VEPH1: variants seen among roughly 807,000 people sequenced by gnomAD.
VEPH1 encodes ventricular zone expressed PH domain containing 1, also known as ventricular zone-expressed PH domain-containing protein homolog 1.
VEPH1 carries 80 observed loss-of-function variants against 85.2 expected under a neutral mutation model. That is an observed-to-expected ratio of 0.94 (90% confidence interval 0.78 to 1.13). The LOEUF is 1.13. Ranked by LOEUF, VEPH1 falls within the 50% of genes most tolerant of loss-of-function variation. The pLI, the probability that VEPH1 is intolerant of heterozygous loss-of-function variation, is 0.00. For synonymous variants in VEPH1, 297 were observed against 348.0 expected (o/e 0.85, Z 1.63); for missense variants, 955 against 980.5 (o/e 0.97, Z 0.35).
In VEPH1 at chr3:157,414,104, G is replaced by A; in HGVS notation, c.697-14C>T. 1 of 1,552,418 alleles carries A rather than the reference G, an allele frequency of 6.4e-7. No homozygotes were observed. Among genetic ancestry groups the A allele is most frequent in the Admixed American group, 1.7e-5 (1 of 57,866 alleles). On this transcript the variant is annotated splice_polypyrimidine_tract_variant and intron_variant, in intron 5 of 13. Transcript: ENST00000362010. The stretch of plus-strand genomic sequence containing the variant: ...CTTCTGAACTACCTATAAAGAGAGA[G>A]GAGAGGAGGAGGGAAGAAAGAAGGA...
intron 9 of VEPH1, among the ~76,000 whole-genome samples, chr3:157,336,927 G>A (rs939180453): frequency 1.3e-5 from 2 of 152,034 alleles, no homozygotes; most frequent in Non-Finnish European, 2.9e-5. Context: ...TTTACTACTT[G>A]GACTTTTATA....
At position 157,503,358 on chromosome 3, in the gene VEPH1, C is replaced by A. The variant is rs897000010; in HGVS notation, c.-239G>T. ...AGAGCACTGCAGCTGGGACCCATGA[C>A]CATGCTCAGAGGCAGCCTTGCAGCT... On this transcript the variant is annotated 5_prime_UTR_variant, in exon 1 of 14. Transcript: ENST00000362010. 1.3e-5 allele frequency: 2 copies of A among 152,334 alleles called. No homozygotes were observed. Among genetic ancestry groups the A allele is most frequent in the South Asian group, 4.1e-4 (2 of 4,826 alleles). The allele number at this position is 152,334 out of a possible 1,614,324, so 9.4% of individuals were successfully genotyped here. A position where few individuals can be genotyped will look rare whatever the true frequency, so the allele number is the denominator to read the frequency against.
intron 12 of VEPH1, among the ~76,000 whole-genome samples, chr3:157,266,457 T>G (rs1370489657): frequency 6.6e-6 from 1 of 152,162 alleles, no homozygotes; most frequent in Non-Finnish European, 1.5e-5. Flanking sequence ...ATGTTTCTTA[T>G]ATATCAGGGA....
At chr3:157,357,326 C>T (rs1577429951) in intron 9 of VEPH1, among the ~76,000 whole-genome samples, 1 of 152,176 alleles carries the variant, frequency 6.6e-6, no homozygotes, top group East Asian at 1.9e-4. Flanking sequence ...CAGATAACTG[C>T]TCCTGGATCT....
chr3:157,321,029 T>C (rs575962830), intron 9 of VEPH1, among the ~76,000 whole-genome samples: 1 of 152,228 alleles, frequency 6.6e-6, no homozygotes, highest in South Asian at 2.1e-4. Flanking sequence ...TATATATATA[T>C]ATTTTTTGGT....
chr3:157,488,504 TTTC>T (rs1241665187), intron 2 of VEPH1, among the ~76,000 whole-genome samples: 2 of 84,572 alleles, frequency 2.4e-5, no homozygotes, highest in African/African-American at 4.2e-5. Flanking sequence ...TCTTTCTTTC[TTTC>T]TTTTTTTTTT....
At chr3:157,275,225 C>T (rs972913281) in intron 12 of VEPH1, among the ~76,000 whole-genome samples, 2 of 152,114 alleles carry the variant, frequency 1.3e-5, no homozygotes, top group African/African-American at 4.8e-5. Flanking sequence ...TCTAGATACT[C>T]TTTTCTGATT....
intron 4 of VEPH1, among the ~76,000 whole-genome samples, chr3:157,435,321 C>T (rs995012338): frequency 6.6e-6 from 1 of 152,136 alleles, no homozygotes; most frequent in Admixed American, 6.5e-5. Flanking sequence ...CTCATATGTT[C>T]AAATATCATT....
chr3:157,397,379 A>G (rs1431490059), intron 6 of VEPH1, among the ~76,000 whole-genome samples: 2 of 152,048 alleles, frequency 1.3e-5, no homozygotes, highest in African/African-American at 4.8e-5. Flanking sequence ...CTCCAGCTTT[A>G]TTCTTTTTGT....
In VEPH1 at chr3:157,437,697, G is replaced by A; in HGVS notation, c.530-9209C>T. 2.6e-6 allele frequency: 4 copies of A among 1,531,292 alleles called. No homozygotes were observed. The South Asian group carries it at 3.6e-5, about 14-fold the overall frequency. The allele number at this position is 1,531,292 out of a possible 1,614,324, so 94.9% of individuals were successfully genotyped here. On this transcript the variant is annotated intron_variant, in intron 4 of 13. Transcript: ENST00000362010. ...AAAGCCTGGCGAGGCCGTGCGCGCCGGGGGCTCCCGCAGAGGCCAGGCTGA... is the reference window on the plus strand; with the variant it reads ...AAAGCCTGGCGAGGCCGTGCGCGCCAGGGGCTCCCGCAGAGGCCAGGCTGA...
At position 157,364,300 on chromosome 3, in the gene VEPH1, T is replaced by C; in HGVS notation, c.1337+3A>G. On this transcript the variant is annotated splice_donor_region_variant and intron_variant, in intron 8 of 13. Coordinates refer to ENST00000362010, the MANE Select transcript of VEPH1 (RefSeq NM_001167912.2). ...TTTAAAAAACAAACCAAACGAGTTATACCTGTTAAATCTAATGTTTTTTCT... is the reference window on the plus strand; with the variant it reads ...TTTAAAAAACAAACCAAACGAGTTACACCTGTTAAATCTAATGTTTTTTCT... 1.2e-6 allele frequency: 2 copies of C among 1,601,904 alleles called. No individual in the cohort carries two copies. The highest frequency in any genetic ancestry group is 1.7e-6 in the Non-Finnish European group (2 of 1,171,858).
intron 4 of VEPH1, among the ~76,000 whole-genome samples, chr3:157,457,661 A>T (rs1004755613): frequency 5.9e-5 from 9 of 152,148 alleles, no homozygotes; most frequent in Admixed American, 5.9e-4. Flanking sequence ...TTATGTGATG[A>T]ATCACATTTA....
intron 6 of VEPH1, among the ~76,000 whole-genome samples, chr3:157,393,343 C>A (rs1396663305): frequency 6.6e-6 from 1 of 152,128 alleles, no homozygotes; most frequent in Admixed American, 6.5e-5. Context: ...TTACCAAATT[C>A]ATCTTAGCTG....
chr3:157,494,681 C>A (rs1417712401), intron 2 of VEPH1, among the ~76,000 whole-genome samples: 1 of 152,070 alleles, frequency 6.6e-6, no homozygotes, highest in Non-Finnish European at 1.5e-5. Context: ...AAAATAGAGA[C>A]AATACAGAAG....
chr3:157,315,052 A>G (rs1268651022), intron 10 of VEPH1, among the ~76,000 whole-genome samples: 11 of 152,114 alleles, frequency 7.2e-5, no homozygotes, highest in Non-Finnish European at 1.5e-5. Context: ...ACAATGTGAT[A>G]TAAAGGATCC....
At chr3:157,457,314 T>A (rs1298843690) in intron 4 of VEPH1, among the ~76,000 whole-genome samples, 1 of 152,242 alleles carries the variant, frequency 6.6e-6, no homozygotes, top group Non-Finnish European at 1.5e-5. Flanking sequence ...TATAGGATCA[T>A]GTCATCTACA....
intron 4 of VEPH1, among the ~76,000 whole-genome samples, chr3:157,441,062 C>A (rs1468359870): frequency 6.6e-6 from 1 of 152,174 alleles, no homozygotes; most frequent in African/African-American, 2.4e-5. Flanking sequence ...AATGGAAGGG[C>A]CTTTTTTAGA....
chr3:157,454,395 C>A (rs896627744), intron 4 of VEPH1, among the ~76,000 whole-genome samples: 2 of 152,110 alleles, frequency 1.3e-5, no homozygotes, highest in African/African-American at 4.8e-5. Flanking sequence ...ACTGGGGTGG[C>A]TGGTCAGCAG....
At chr3:157,427,029 C>T (rs1274685628) in intron 5 of VEPH1, among the ~76,000 whole-genome samples, 1 of 151,498 alleles carries the variant, frequency 6.6e-6, no homozygotes, top group Non-Finnish European at 1.5e-5. Context: ...GCTCTGTTGC[C>T]CAGGCTGGAG....
Sources: allele counts gnomAD v4.1 joint callset (sites outside exome capture counted in the v4.1 genomes callset), GRCh38; gene constraint gnomAD v4.1.1; transcripts MANE v1.5; gene names NCBI Gene and HGNC (gene_info 2026-07-23, HGNC 2026-07-21).